TCTN3: variants seen among roughly 807,000 people sequenced by gnomAD.
TCTN3 encodes tectonic-3.
In TCTN3, 57 loss-of-function variants were observed where a neutral mutation model predicts 71.3. The ratio of observed to expected loss-of-function variants is 0.80; its 90% CI spans 0.65 to 1.00. TCTN3 has a LOEUF of 1.00. Among genes scored for constraint, TCTN3 ranks in the 50% least tolerant of loss-of-function variants. The pLI is 0.00. For synonymous variants in TCTN3, 258 were observed against 267.8 expected (o/e 0.96, Z 0.36); for missense variants, 696 against 719.9 (o/e 0.97, Z 0.38).
intron 13 of TCTN3, among the ~76,000 whole-genome samples, chr10:95,665,285 T>G (rs112093476): frequency 0.31 from 47,542 of 151,810 alleles, 8,254 homozygotes; most frequent in Admixed American, 0.41. Flanking sequence ...AATTTTTTTT[T>G]TGTGTGTGTG....
chr10:95,688,803 C>T (rs2097951080), intron 3 of TCTN3, among the ~76,000 whole-genome samples: 1 of 152,110 alleles, frequency 6.6e-6, no homozygotes, highest in Non-Finnish European at 1.5e-5. Context: ...CACTTCAGAA[C>T]CAGTAGAGAG....
chr10:95,682,969 A>G (rs1017490344), intron 11 of TCTN3, 132 bp downstream of exon 11: 2 of 1,212,254 alleles, frequency 1.6e-6, no homozygotes, highest in Non-Finnish European at 2.3e-6. Flanking sequence ...CAATATCAAC[A>G]CTATTTAGAC....
intron 7 of TCTN3, 75 bp downstream of exon 7, chr10:95,686,420 C>T: frequency 6.8e-7 from 1 of 1,474,572 alleles, no homozygotes; most frequent in Non-Finnish European, 9.5e-7. Flanking sequence ...AACAGTACAA[C>T]TTAGACTAAA....
rs979743057 is a variant in TCTN3, at chr10:95,685,627, G to A, written c.898C>T (p.Pro300Ser). The A allele has an allele frequency of 3.9e-6, 6 of 1,551,192 alleles. No homozygotes were observed. The highest frequency in any genetic ancestry group is 2.0e-5 in the Admixed American group (1 of 50,980). ...TTAGCCTGTGAGGTAAGTATTACAGGAACCTGGAACTAGCAACGAAAAGAA... is the reference window on the plus strand; with the variant it reads ...TTAGCCTGTGAGGTAAGTATTACAGAAACCTGGAACTAGCAACGAAAAGAA... ...TDPQNMEFQV[P>S]VILTSQANAP... is the part of the protein sequence containing the mutation. The change falls in exon 8 of 14, where the codon CCT (proline) becomes TCT (serine). Residue 300 changes from proline to serine, a missense_variant. By Grantham distance (74) the Pro-to-Ser change is moderately conservative. Coordinates refer to ENST00000371217, the MANE Select transcript of TCTN3 (RefSeq NM_015631.6).
rs2097949565 is a variant in TCTN3, at chr10:95,687,535, G to A, written c.627+57C>T. The A allele has an allele frequency of 3.1e-6, 5 of 1,601,390 alleles. No individual in the cohort carries two copies. In the East Asian group the frequency reaches 1.1e-4, roughly 36 times the overall value. ...GTGCTGCAAAGTTACCTTGTCAGCT[G>A]TCTGCTGTGAGAGTAAAAACTAAAC... On this transcript the variant is annotated intron_variant, in intron 4 of 13. Transcript: ENST00000371217.
chr10:95,677,474 G>GGTTTTTTTT (rs2097938217), intron 13 of TCTN3, among the ~76,000 whole-genome samples: 1 of 80,738 alleles, frequency 1.2e-5, no homozygotes, highest in Non-Finnish European at 3.0e-5. Flanking sequence ...GAAGTCTACA[G>GGTTTTTTTT]TTTTTTTTGT....
rs1285047225 is a variant in TCTN3 at position 95,692,856 on chromosome 10, AG to A, written c.499+63del. 27 of 1,206,900 alleles carry A rather than the reference AG, an allele frequency of 2.2e-5. No homozygotes were observed. The Admixed American group carries it at 4.6e-4, about 20-fold the overall frequency. The allele number at this position is 1,206,900 out of a possible 1,614,324, so 74.8% of individuals were successfully genotyped here. Reference sequence around the variant, plus strand: ...GACAATTCTTCTTCCAATGTGGGCCAGGGAAGACAAAATATAACACTCCTGT... The same window carrying A: ...GACAATTCTTCTTCCAATGTGGGCCAGGAAGACAAAATATAACACTCCTGT... On this transcript the variant is annotated intron_variant, in intron 3 of 13. Transcript: ENST00000371217.
At chr10:95,688,638 A>G (rs2097950880) in intron 3 of TCTN3, among the ~76,000 whole-genome samples, 1 of 152,160 alleles carries the variant, frequency 6.6e-6, no homozygotes, top group Non-Finnish European at 1.5e-5. Flanking sequence ...CCATCTCTCA[A>G]GTTTAGAGAT....
intron 13 of TCTN3, among the ~76,000 whole-genome samples, chr10:95,670,720 T>G (rs2097930247): frequency 6.6e-6 from 1 of 152,022 alleles, no homozygotes. Flanking sequence ...TGGAGTGCAG[T>G]GGTACAAACA....
At chr10:95,691,955 T>C (rs1302815440) in intron 3 of TCTN3, among the ~76,000 whole-genome samples, 1 of 152,188 alleles carries the variant, frequency 6.6e-6, no homozygotes, top group East Asian at 1.9e-4. Flanking sequence ...GAGATCCTAA[T>C]CTAATGCTCC....
rs1276774121 is a variant in TCTN3 at position 95,687,264 on chromosome 10, GCA to G, written c.717_718del (p.Ala240Ter). The G allele has an allele frequency of 2.7e-5, 44 of 1,614,086 alleles. No homozygotes were observed. Among genetic ancestry groups the G allele is most frequent in the Non-Finnish European group, 3.7e-5 (44 of 1,179,974 alleles). On this transcript the variant is annotated frameshift_variant, in exon 5 of 14. Coordinates refer to ENST00000371217, the MANE Select transcript of TCTN3 (RefSeq NM_015631.6). LOFTEE classifies it high-confidence loss of function. The stretch of plus-strand genomic sequence containing the variant: ...GGATTCACCTGCAGGATTGCTTTCA[GCA>G]CAGAGTCCCCCAGCTCCAACTCCTG...
intron 12 of TCTN3, among the ~76,000 whole-genome samples, chr10:95,681,299 C>T (rs888746521): frequency 6.6e-6 from 1 of 152,100 alleles, no homozygotes; most frequent in Non-Finnish European, 1.5e-5. Context: ...TGGTCTTAAA[C>T]TCCTGATCTC....
intron 9 of TCTN3, among the ~76,000 whole-genome samples, chr10:95,683,884 C>G (rs1464792501): frequency 6.6e-6 from 1 of 152,146 alleles, no homozygotes; most frequent in African/African-American, 2.4e-5. Context: ...CAAGAATCTA[C>G]TAAGGATCCC....
Position 95,693,919 on chromosome 10 carries a change from G to GGTCCGACGTAGGCCTCCGC in TCTN3, c.-21_-20insGCGGAGGCCTACGTCGGAC, listed in dbSNP as rs1217928058. On this transcript the variant is annotated 5_prime_UTR_variant, in exon 1 of 14. Coordinates refer to ENST00000371217, the MANE Select transcript of TCTN3 (RefSeq NM_015631.6). ...GCGCATGGGGCATTCAGGGCCTCCG[G>GGTCCGACGTAGGCCTCCGC]GTCCGACGTAGGCCTCCGCGGTCTC... 6.3e-5 allele frequency: 98 copies of GGTCCGACGTAGGCCTCCGC among 1,551,548 alleles called. No homozygotes were observed. The Admixed American group carries it at 6.9e-4, about 11-fold the overall frequency.
chr10:95,692,208 C>T (rs916886629), intron 3 of TCTN3, among the ~76,000 whole-genome samples: 1 of 151,976 alleles, frequency 6.6e-6, no homozygotes, highest in Non-Finnish European at 1.5e-5. Context: ...GCCAACAGAA[C>T]ATAAAAAGTT....
At chr10:95,669,236 G>A (rs1390831689) in intron 13 of TCTN3, among the ~76,000 whole-genome samples, 5 of 152,154 alleles carry the variant, frequency 3.3e-5, no homozygotes, top group African/African-American at 1.2e-4. Context: ...GCATAGTAGG[G>A]CGACTGTATT....
intron 13 of TCTN3, among the ~76,000 whole-genome samples, chr10:95,670,867 T>C (rs1349763842): frequency 6.6e-6 from 1 of 151,886 alleles, no homozygotes; most frequent in Non-Finnish European, 1.5e-5. Context: ...CTCACTATGT[T>C]GCCTGGGCTG....
Position 95,692,920 on chromosome 10 carries a change from A to G in TCTN3, c.499T>C (p.Ser167Pro), listed in dbSNP as rs761967069. 2 of 1,602,510 alleles carry G rather than the reference A, an allele frequency of 1.2e-6. No individual in the cohort carries two copies. The highest frequency in any genetic ancestry group is 1.3e-5 in the African/African-American group (1 of 74,702). The part of the protein sequence containing the change: ...IRQFCVHVNN[S>P]NLNYFQKLQK... Reference sequence around the variant, plus strand: ...GAACAACCAACATGTTTCTACTCACAGTTGTTCACATGGACACAAAACTGC... The same window carrying G: ...GAACAACCAACATGTTTCTACTCACGGTTGTTCACATGGACACAAAACTGC... The change falls in exon 3 of 14, where the codon TCA (serine) becomes CCA (proline). Residue 167 changes from serine to proline, a missense_variant and splice_region_variant. Transcript: ENST00000371217.
At chr10:95,684,419 A>G in intron 9 of TCTN3, 80 bp downstream of exon 9, 2 of 1,545,978 alleles carry the variant, frequency 1.3e-6, no homozygotes, top group African/African-American at 1.4e-5. Context: ...TCTATTTCAC[A>G]TGTATTACAG....
Sources: allele counts gnomAD v4.1 joint callset (sites outside exome capture counted in the v4.1 genomes callset), GRCh38; gene constraint gnomAD v4.1.1; transcripts MANE v1.5; gene names NCBI Gene and HGNC (gene_info 2026-07-23, HGNC 2026-07-21).